Variants in MYO7B observed in about 807,000 individuals in gnomAD.
MYO7B encodes the protein unconventional myosin-VIIb.
A neutral mutation model predicts 259.7 loss-of-function variants in MYO7B; 212 were observed. That is an observed-to-expected ratio of 0.82 (90% CI 0.73 to 0.91). The LOEUF is 0.91. Ranked by LOEUF, MYO7B falls within the 40% of genes least tolerant of loss-of-function variation. The pLI, the probability that MYO7B is intolerant of heterozygous loss-of-function variation, is 0.00. For synonymous variants in MYO7B, 1,197 were observed against 1,166.4 expected (o/e 1.03, Z -0.54); for missense variants, 2,732 against 2,813.5 (o/e 0.97, Z 0.66).
chr2:127,631,796 C>T (rs1341724945), intron 38 of MYO7B, 43 bp downstream of exon 38: 1 of 1,595,366 alleles, frequency 6.3e-7, no homozygotes, highest in Admixed American at 1.7e-5. Context: ...ACCCTCAGTC[C>T]TCATCCCGGC....
rs1236767018 is a variant in MYO7B at position 127,636,109 on chromosome 2, C to T, written c.6007-99C>T. The stretch of plus-strand genomic sequence containing the variant: ...CCATGCTGCATTCCTCCCCTCCCCT[C>T]CCCACCGTACTAGCCCTGGGGTAGG... On this transcript the variant is annotated intron_variant, in intron 44 of 47. Coordinates refer to ENST00000409816, the MANE Select transcript of MYO7B (RefSeq NM_001393586.1). This position sits in a 1 kb window ranked among gnomAD's most constrained non-coding sequence, Gnocchi z 4.5. The T allele has an allele frequency of 6.1e-6, 7 of 1,146,444 alleles. No homozygotes were observed. The highest frequency in any genetic ancestry group is 2.8e-5 in the South Asian group (2 of 70,330). The allele number at this position is 1,146,444 out of a possible 1,614,324, so 71.0% of individuals were successfully genotyped here. A position where few individuals can be genotyped will look rare whatever the true frequency, so the allele number is the denominator to read the frequency against.
In MYO7B at chr2:127,633,243, C is replaced by A; in HGVS notation, c.5406-15C>A. Reference sequence around the variant, plus strand: ...GGGTGGGGGTGGCACCTGCAGCACACGCTGTCCCCCTCAGGACGGGGCCCC... The same window carrying A: ...GGGTGGGGGTGGCACCTGCAGCACAAGCTGTCCCCCTCAGGACGGGGCCCC... On this transcript the variant is annotated splice_polypyrimidine_tract_variant and intron_variant, in intron 39 of 47. Coordinates refer to ENST00000409816, the MANE Select transcript of MYO7B (RefSeq NM_001393586.1). 6.3e-7 allele frequency: 1 copy of A among 1,595,818 alleles called. No individual in the cohort carries two copies. The highest frequency in any genetic ancestry group is 1.1e-5 in the South Asian group (1 of 88,622).
rs1679803794 is a variant in MYO7B, at chr2:127,597,162, G to A, written c.2339+606G>A. Among the ~76,000 whole-genome samples the A allele has an allele frequency of 6.6e-6, 1 of 152,240 alleles. No homozygotes were observed. The highest frequency in any genetic ancestry group is 2.4e-5 in the African/African-American group (1 of 41,472). ...AGGCAGCTGTGCTGCTGGGAAGCCG[G>A]AGGCCATCTCAGGGCCAGACCCTGG... On this transcript the variant is annotated intron_variant, in intron 19 of 47. Transcript: ENST00000409816. This position sits in a 1 kb window ranked among gnomAD's most constrained non-coding sequence, Gnocchi z 4.8.
At chr2:127,569,439 C>T (rs1252731701) in intron 5 of MYO7B, among the ~76,000 whole-genome samples, 1 of 152,178 alleles carries the variant, frequency 6.6e-6, no homozygotes, top group Non-Finnish European at 1.5e-5. Flanking sequence ...TCCGAGCCTG[C>T]TGCTGGCCTG....
At position 127,607,176 on chromosome 2, in the gene MYO7B, C is replaced by T; in HGVS notation, c.2425-30C>T. 1 of 1,531,804 alleles carries T rather than the reference C, an allele frequency of 6.5e-7. No individual in the cohort carries two copies. The highest frequency in any genetic ancestry group is 8.8e-7 in the Non-Finnish European group (1 of 1,135,372). The allele number at this position is 1,531,804 out of a possible 1,614,324, so 94.9% of individuals were successfully genotyped here. A position where few individuals can be genotyped will look rare whatever the true frequency, so the allele number is the denominator to read the frequency against. Reference sequence around the variant, plus strand: ...GTTTCCTGGGGAAGGCCTTCTTGCCCCTGATCTCACCTCTCTCTTGCCTCC... The same window carrying T: ...GTTTCCTGGGGAAGGCCTTCTTGCCTCTGATCTCACCTCTCTCTTGCCTCC... On this transcript the variant is annotated intron_variant, in intron 20 of 47. Coordinates refer to ENST00000409816, the MANE Select transcript of MYO7B (RefSeq NM_001393586.1). The surrounding 1 kb of genome is among the most constrained non-coding windows in gnomAD (Gnocchi z 4.4).
At chr2:127,557,616 C>T (rs1012064909) in intron 1 of MYO7B, among the ~76,000 whole-genome samples, 4 of 152,064 alleles carry the variant, frequency 2.6e-5, no homozygotes, top group African/African-American at 9.7e-5. Flanking sequence ...AGTACTCTCC[C>T]CCTTTTGTGG....
rs147949489 is a variant in MYO7B, at chr2:127,593,588, G to C, written c.2188G>C (p.Val730Leu). 1 of 1,613,598 alleles carries C rather than the reference G, an allele frequency of 6.2e-7. No homozygotes were observed. Reference sequence around the variant, plus strand: ...CCAGATGACCCTGGGCATCACTGACGTGTGGCTGCGGACAGACAAAGACTG... The same window carrying C: ...CCAGATGACCCTGGGCATCACTGACCTGTGGCTGCGGACAGACAAAGACTG... ...LRQMTLGITD[V>L]WLRTDKDWKA... The change falls in exon 18 of 48, where the codon GTG (valine) becomes CTG (leucine). Residue 730 changes from valine (V) to leucine (L), a missense_variant. Val to Leu is a conservative substitution (Grantham distance 32, BLOSUM62 1). This residue lies in a region of MYO7B where 1,906 missense variants were observed against 2,026.4 expected (regional missense o/e 0.94). Transcript: ENST00000409816.
intron 1 of MYO7B, among the ~76,000 whole-genome samples, chr2:127,538,315 G>A (rs1692870526): frequency 6.6e-6 from 1 of 152,150 alleles, no homozygotes; most frequent in East Asian, 1.9e-4. Context: ...TGATAGAAAT[G>A]TTCTCTTCTG....
chr2:127,590,074 C>T lies in MYO7B; in HGVS notation c.1855-18C>T. On this transcript the variant is annotated intron_variant, in intron 15 of 47. Transcript: ENST00000409816. The surrounding 1 kb of genome is among the most constrained non-coding windows in gnomAD (Gnocchi z 4.6). Reference sequence around the variant, plus strand: ...ATGGCTCCTGAGACCCACTTGTGCTCTGTGCTTCCATTCACAGTCTGCAGA... The same window carrying T: ...ATGGCTCCTGAGACCCACTTGTGCTTTGTGCTTCCATTCACAGTCTGCAGA... 6.4e-7 allele frequency: 1 copy of T among 1,561,666 alleles called. No homozygotes were observed. Among genetic ancestry groups the T allele is most frequent in the Non-Finnish European group, 8.7e-7 (1 of 1,153,228 alleles).
intron 26 of MYO7B, among the ~76,000 whole-genome samples, chr2:127,618,855 A>T (rs1434795193): frequency 6.6e-6 from 1 of 152,206 alleles, no homozygotes; most frequent in Non-Finnish European, 1.5e-5. Flanking sequence ...TGGGGCTGGG[A>T]GGCCAGGCAG....
At chr2:127,581,217 T>A (rs1157051811) in intron 10 of MYO7B, among the ~76,000 whole-genome samples, 1 of 152,102 alleles carries the variant, frequency 6.6e-6, no homozygotes, top group East Asian at 1.9e-4. Flanking sequence ...GCTTGCACTA[T>A]TCTGGGAGAG....
At chr2:127,630,931 C>G in intron 36 of MYO7B, 23 bp downstream of exon 36, 2 of 1,545,906 alleles carry the variant, frequency 1.3e-6, no homozygotes, top group Non-Finnish European at 1.8e-6. Flanking sequence ...CCCGCTCCGC[C>G]TCATTGCACC....
At chr2:127,621,352 C>T (rs1680833208) in intron 27 of MYO7B, among the ~76,000 whole-genome samples, 1 of 151,446 alleles carries the variant, frequency 6.6e-6, no homozygotes. Flanking sequence ...CATCCTCTGC[C>T]TCCCGGGTTC....
At position 127,633,264 on chromosome 2, in the gene MYO7B, G is replaced by A. The variant is rs745915489; in HGVS notation, c.5412G>A (p.Gly1804=). 4 of 1,609,646 alleles carry A rather than the reference G, an allele frequency of 2.5e-6. No individual in the cohort carries two copies. The highest frequency in any genetic ancestry group is 3.4e-6 in the Non-Finnish European group (4 of 1,178,626). Residue 1804 remains glycine, a synonymous_variant, in exon 40 of 48, where the codon GGG becomes GGA. Transcript: ENST00000409816. ...SRRIQKVLRT[G]PRKQPPHQVE... is the part of the protein sequence containing the mutation. The stretch of plus-strand genomic sequence containing the variant: ...CACACGCTGTCCCCCTCAGGACGGG[G>A]CCCCGGAAGCAGCCCCCGCACCAGG...
chr2:127,589,860 G>A (rs1394205828), intron 15 of MYO7B, among the ~76,000 whole-genome samples: 1 of 127,656 alleles, frequency 7.8e-6, no homozygotes. Flanking sequence ...TGGTGGGCGG[G>A]TGGATGGGTG....
intron 42 of MYO7B, 80 bp from the exon 43 acceptor site, chr2:127,635,040 G>A (rs1015153380): frequency 1.5e-5 from 17 of 1,123,676 alleles, no homozygotes; most frequent in Middle Eastern, 1.9e-4. Flanking sequence ...GGTGGCAGGC[G>A]CAGTGTGGGG....
At chr2:127,632,083 C>T (rs532336712) in intron 38 of MYO7B, among the ~76,000 whole-genome samples, 163 bp from the exon 39 acceptor site, 8 of 152,360 alleles carry the variant, frequency 5.3e-5, no homozygotes, top group South Asian at 4.1e-4. Flanking sequence ...CCCGTGGCAT[C>T]GGGCAGCCTG....
chr2:127,635,025 A>G (rs1295342109), intron 42 of MYO7B, 95 bp from the exon 43 acceptor site: 37 of 959,402 alleles, frequency 3.9e-5, no homozygotes, highest in Non-Finnish European at 5.8e-5. Flanking sequence ...CTTTCGAGGC[A>G]GGGAGGTGGC....
rs550569981 is a variant in MYO7B, at chr2:127,574,076, C to G, written c.735+14C>G. Reference sequence around the variant, plus strand: ...GTCTGCCGGCAGGTGAGGCCTCCCCCTTCCCAGGTCGGGAGTTGAGGGAAT... The same window carrying G: ...GTCTGCCGGCAGGTGAGGCCTCCCCGTTCCCAGGTCGGGAGTTGAGGGAAT... On this transcript the variant is annotated intron_variant, in intron 7 of 47. Coordinates refer to ENST00000409816, the MANE Select transcript of MYO7B (RefSeq NM_001393586.1). The G allele has an allele frequency of 1.3e-5, 21 of 1,613,682 alleles. No homozygotes were observed. In the East Asian group the frequency reaches 4.0e-4, roughly 31 times the overall value.
Sources: allele counts gnomAD v4.1 joint callset (sites outside exome capture counted in the v4.1 genomes callset), GRCh38; gene constraint gnomAD v4.1.1; regional missense constraint gnomAD v4.1.1; non-coding constraint Gnocchi (gnomAD v3.1); transcripts MANE v1.5; gene names NCBI Gene and HGNC (gene_info 2026-07-23, HGNC 2026-07-21).